The following NEB variants were observed in gnomAD, a reference collection of about 807,000 sequenced individuals.
NEB encodes nemaline myopathy type 2.
In NEB, 512 loss-of-function variants were observed where a neutral mutation model predicts 952.2. The ratio of observed to expected loss-of-function variants is 0.54; its 90% confidence interval spans 0.50 to 0.58. The LOEUF (loss-of-function observed/expected upper bound fraction) is 0.58. Among genes scored for constraint, NEB ranks in the 20% least tolerant of loss-of-function variants. The probability of loss-of-function intolerance (pLI) is 0.00; values close to 1 mark genes in which losing one functional copy is unlikely to be tolerated. For synonymous variants in NEB, 2,900 were observed against 3,149.8 expected, an observed-to-expected ratio of 0.92 and a Z score of 2.66; for missense variants, 8,428 against 9,231.1, an observed-to-expected ratio of 0.91 and a Z score of 3.56.
intron 131 of NEB, 89 bp downstream of exon 131, chr2:151,548,219 C>G: frequency 9.2e-7 from 1 of 1,092,470 alleles, no homozygotes; most frequent in Admixed American, 2.1e-5. Context: ...AAGTTTACAA[C>G]TGAAATAAGA....
In NEB at chr2:151,607,493, G is replaced by A. The variant is rs1057523954; in HGVS notation, c.12639+11C>T. On this transcript the variant is annotated intron_variant, in intron 83 of 181. Coordinates refer to ENST00000397345, the MANE Select transcript of NEB (RefSeq NM_001164508.2). ...ATAAAGGCTTTTACACTTCATGTTC[G>A]TGCCACTTACATTGCTGATTTGCAA... 17 of 602,680 alleles carry A rather than the reference G, an allele frequency of 2.8e-5. 1 individual carries two copies. The highest frequency in any genetic ancestry group is 6.5e-5 in the African/African-American group (4 of 61,492). 37.3% of individuals were successfully genotyped at this position (602,680 alleles called of 1,614,324 possible).
At chr2:151,616,595 G>C (rs1047642268) in intron 75 of NEB, among the ~76,000 whole-genome samples, 1 of 152,154 alleles carries the variant, frequency 6.6e-6, no homozygotes, top group Admixed American at 6.5e-5. Context: ...TCGGGAGGCT[G>C]AGGCAGGAGA....
In NEB at chr2:151,662,417, T is replaced by C. The variant is rs191619875; in HGVS notation, c.5764-76A>G. 8 of 1,238,842 alleles carry C rather than the reference T, an allele frequency of 6.5e-6. No homozygotes were observed. The African/African-American group carries it at 1.2e-4, about 19-fold the overall frequency. 76.7% of individuals were successfully genotyped at this position (1,238,842 alleles called of 1,614,324 possible). On this transcript the variant is annotated intron_variant, in intron 45 of 181. Transcript: ENST00000397345. Reference sequence around the variant, plus strand: ...AATCCTAAGTGTGTGTTTAACATTCTGTAACTTCCATTTCATTTGTAAATT... The same window carrying C: ...AATCCTAAGTGTGTGTTTAACATTCCGTAACTTCCATTTCATTTGTAAATT...
At chr2:151,611,940 G>C (rs546730539) in intron 78 of NEB, among the ~76,000 whole-genome samples, 2 of 152,340 alleles carry the variant, frequency 1.3e-5, no homozygotes, top group South Asian at 2.1e-4. Flanking sequence ...TCACTGCTCA[G>C]AAGGGTGAGT....
chr2:151,615,936 A>G (rs1014305603), intron 76 of NEB, 66 bp downstream of exon 76: 2 of 1,235,858 alleles, frequency 1.6e-6, no homozygotes, highest in Non-Finnish European at 2.3e-6. Flanking sequence ...AGCAAGAAAA[A>G]CTCTAAAAGC....
intron 124 of NEB, among the ~76,000 whole-genome samples, chr2:151,558,517 G>C (rs1471266332): frequency 6.6e-6 from 1 of 151,158 alleles, no homozygotes; most frequent in African/African-American, 2.4e-5. Context: ...AAAAATTAAA[G>C]CTGGAGGCAT....
intron 6 of NEB, 58 bp downstream of exon 6, chr2:151,725,394 TC>T: frequency 7.3e-7 from 1 of 1,373,442 alleles, no homozygotes; most frequent in Non-Finnish European, 1.0e-6. Context: ...AGCCCACAAT[TC>T]CCAGCAGTAG....
In NEB at chr2:151,507,085, G is replaced by T. The variant is rs1032650694; in HGVS notation, c.23452-72C>A. 15 of 957,292 alleles carry T rather than the reference G, an allele frequency of 1.6e-5. No homozygotes were observed. The Middle Eastern group carries it at 9.8e-4, about 62-fold the overall frequency. The allele number at this position is 957,292 out of a possible 1,614,324, so 59.3% of individuals were successfully genotyped here. On this transcript the variant is annotated intron_variant, in intron 162 of 181. Transcript: ENST00000397345. Reference sequence around the variant, plus strand: ...GTTTTCTTTATTTGTCCTATATTATGTGAAGAAAATTAAAATCCTGTATCT... The same window carrying T: ...GTTTTCTTTATTTGTCCTATATTATTTGAAGAAAATTAAAATCCTGTATCT...
chr2:151,727,033 CAGAG>C (rs1243841940), intron 5 of NEB, among the ~76,000 whole-genome samples: 3 of 143,432 alleles, frequency 2.1e-5, no homozygotes, highest in Non-Finnish European at 4.5e-5. Context: ...GCCTGGGCTA[CAGAG>C]AAAGATTCTG....
chr2:151,674,450 T>G (rs2099342320), intron 36 of NEB, 27 bp downstream of exon 36: 3 of 1,576,994 alleles, frequency 1.9e-6, no homozygotes, highest in Non-Finnish European at 1.7e-6. Context: ...GGCAAACACC[T>G]AAACTTCACC....
At position 151,659,221 on chromosome 2, in the gene NEB, T is replaced by C; in HGVS notation, c.5971-52A>G. 5 of 1,141,698 alleles carry C rather than the reference T, an allele frequency of 4.4e-6. No homozygotes were observed. The South Asian group carries it at 6.4e-5, about 15-fold the overall frequency. The allele number at this position is 1,141,698 out of a possible 1,614,324, so 70.7% of individuals were successfully genotyped here. A position where few individuals can be genotyped will look rare whatever the true frequency, so the allele number is the denominator to read the frequency against. Reference sequence around the variant, plus strand: ...GTTTAAAATCTTAAAAGAAGCTCACTTAGTACATACATATCATTGTACATA... The same window carrying C: ...GTTTAAAATCTTAAAAGAAGCTCACCTAGTACATACATATCATTGTACATA... On this transcript the variant is annotated intron_variant, in intron 46 of 181. Transcript: ENST00000397345.
Position 151,489,835 on chromosome 2 carries a change from GA to G in NEB, c.25404+135del, listed in dbSNP as rs2054664639. 4 of 526,810 alleles carry G rather than the reference GA, an allele frequency of 7.6e-6. No individual in the cohort carries two copies. In the East Asian group the frequency reaches 1.3e-4, roughly 17 times the overall value. The allele number at this position is 526,810 out of a possible 1,614,324, so 32.6% of individuals were successfully genotyped here. A position where few individuals can be genotyped will look rare whatever the true frequency, so the allele number is the denominator to read the frequency against. ...GAAAGTTTTCTGATATCATTAATAT[GA>G]AACATGTAATAAAAGAGCATTATAT... On this transcript the variant is annotated intron_variant, in intron 181 of 181. Coordinates refer to ENST00000397345, the MANE Select transcript of NEB (RefSeq NM_001164508.2).
chr2:151,563,390 C>T (rs1351329287), intron 119 of NEB, among the ~76,000 whole-genome samples: 1 of 152,100 alleles, frequency 6.6e-6, no homozygotes, highest in Non-Finnish European at 1.5e-5. Context: ...ACAAAGCAGT[C>T]ACAGTGTTAA....
At chr2:151,683,504 A>G (rs1362696931) in intron 28 of NEB, among the ~76,000 whole-genome samples, 1 of 152,218 alleles carries the variant, frequency 6.6e-6, no homozygotes, top group Non-Finnish European at 1.5e-5. Flanking sequence ...TCAAGAAAGC[A>G]TTTAGTTCCT....
chr2:151,499,610 A>G (rs1338167235), intron 168 of NEB: 1 of 362,482 alleles, frequency 2.8e-6, no homozygotes, highest in East Asian at 5.6e-5. Context: ...TTTTATTGTA[A>G]CTTGAATATA....
chr2:151,514,508 A>C (rs1457502167), intron 158 of NEB, 80 bp from the exon 159 acceptor site: 2 of 1,163,314 alleles, frequency 1.7e-6, no homozygotes, highest in Admixed American at 1.7e-5. Context: ...AATAAAAAAC[A>C]ATTCCAATTT....
In NEB at chr2:151,664,449, C is replaced by T. The variant is rs535041729; in HGVS notation, c.5451+52G>A. The T allele has an allele frequency of 9.1e-5, 120 of 1,316,800 alleles. No individual in the cohort carries two copies. The African/African-American group carries it at 1.3e-3, about 14-fold the overall frequency. The allele number at this position is 1,316,800 out of a possible 1,614,324, so 81.6% of individuals were successfully genotyped here. The stretch of plus-strand genomic sequence containing the variant: ...TGCTCCTACATACACACAAGCTTAG[C>T]GCATTTGTTCTTACTTGCTCAACCC... On this transcript the variant is annotated intron_variant, in intron 44 of 181. Coordinates refer to ENST00000397345, the MANE Select transcript of NEB (RefSeq NM_001164508.2).
At chr2:151,689,402 A>C (rs1283163548) in intron 24 of NEB, 1 of 151,786 alleles carries the variant, frequency 6.6e-6, no homozygotes, top group Non-Finnish European at 1.5e-5. Context: ...GATGGGGTTT[A>C]CCATGTTGCC....
Position 151,524,407 on chromosome 2 carries a change from G to A in NEB, c.22383C>T (p.Tyr7461=), listed in dbSNP as rs769727734. Residue 7461 remains tyrosine, a synonymous_variant, in exon 153 of 182, where the codon TAC becomes TAT. Coordinates refer to ENST00000397345, the MANE Select transcript of NEB (RefSeq NM_001164508.2). The part of the protein sequence containing the change: ...QAAKQASEVE[Y]RAKHRKEGSH... ...TGCCTTCCTTGCGGTGCTTGGCTCT[G>A]TACTCCACCTGAATCAGAGAAAACC... The A allele has an allele frequency of 6.2e-7, 1 of 1,613,940 alleles. No homozygotes were observed. The highest frequency in any genetic ancestry group is 2.2e-5 in the East Asian group (1 of 44,876).
Sources: allele counts gnomAD v4.1 joint callset (sites outside exome capture counted in the v4.1 genomes callset), GRCh38; gene constraint gnomAD v4.1.1; transcripts MANE v1.5; gene names NCBI Gene and HGNC (gene_info 2026-07-23, HGNC 2026-07-21).